The following THOC5 variants were observed in gnomAD, a reference collection of about 807,000 sequenced individuals.
THOC5 encodes THO complex subunit 5.
Under a neutral mutation model 92.9 loss-of-function variants are expected in THOC5, and 43 were observed. The ratio of observed to expected loss-of-function variants is 0.46; its 90% confidence interval spans 0.36 to 0.60. The LOEUF (loss-of-function observed/expected upper bound fraction) is 0.60. THOC5 is among the 20% of genes least tolerant of loss of function. The pLI is 0.00. For synonymous variants in THOC5, 296 were observed against 320.1 expected (o/e 0.92, Z 0.80); for missense variants, 659 against 849.4 (o/e 0.78, Z 2.79).
chr22:29,544,842 G>A (rs909568251), intron 2 of THOC5, among the ~76,000 whole-genome samples: 3 of 152,056 alleles, frequency 2.0e-5, no homozygotes, highest in African/African-American at 7.2e-5. Flanking sequence ...AATATACAGA[G>A]GAGTATCAAA....
chr22:29,538,579 CTTG>C (rs2063808631), intron 6 of THOC5, among the ~76,000 whole-genome samples: 2 of 151,934 alleles, frequency 1.3e-5, no homozygotes, highest in Admixed American at 1.3e-4. Flanking sequence ...GGGAGGATCA[CTTG>C]AAGCCAGGAA....
At chr22:29,547,948 C>A (rs146208331) in intron 2 of THOC5, among the ~76,000 whole-genome samples, 1 of 152,130 alleles carries the variant, frequency 6.6e-6, no homozygotes, top group East Asian at 1.9e-4. Flanking sequence ...GCTGGTGAGG[C>A]CTCAGGAACA....
intron 7 of THOC5, among the ~76,000 whole-genome samples, chr22:29,535,618 T>C (rs1371364780): frequency 6.6e-6 from 1 of 152,228 alleles, no homozygotes; most frequent in Non-Finnish European, 1.5e-5. Flanking sequence ...TTCCATACTT[T>C]CATCACAGCT....
intron 7 of THOC5, among the ~76,000 whole-genome samples, chr22:29,532,259 A>G (rs1321078368): frequency 1.3e-5 from 2 of 152,166 alleles, no homozygotes; most frequent in Non-Finnish European, 2.9e-5. Context: ...CAGGAGTTCA[A>G]GAGCAGCCTG....
intron 8 of THOC5, among the ~76,000 whole-genome samples, chr22:29,529,957 A>G (rs1334897939): frequency 6.6e-6 from 1 of 152,182 alleles, no homozygotes; most frequent in African/African-American, 2.4e-5. Context: ...AGCCTGGCCA[A>G]CATGGCAAAA....
chr22:29,528,873 C>T (rs1008491881), intron 9 of THOC5: 9 of 515,450 alleles, frequency 1.7e-5, no homozygotes, highest in African/African-American at 1.3e-4. Flanking sequence ...CATAACAATC[C>T]TACATGAGGT....
intron 9 of THOC5, 75 bp from the exon 10 acceptor site, chr22:29,528,541 C>CA: frequency 3.4e-6 from 5 of 1,468,522 alleles, no homozygotes; most frequent in Non-Finnish European, 4.7e-6. Flanking sequence ...ACCCACATGG[C>CA]ATAAAGGGGC....
chr22:29,511,166 T>C lies in THOC5; in HGVS notation c.1928A>G (p.Asp643Gly). ...TTCCTTGGGCCCCTCCACACTGTCGTCATGGCTCTCGGTCTCCAGGTAAAC... is the reference window on the plus strand; with the variant it reads ...TTCCTTGGGCCCCTCCACACTGTCGCCATGGCTCTCGGTCTCCAGGTAAAC... ...LDVYLETESH[D>G]DSVEGPKEFP... Residue 643 changes from aspartate to glycine, a missense_variant, in exon 19 of 20, where the codon GAC (aspartate) becomes GGC (glycine). Coordinates refer to ENST00000490103, the MANE Select transcript of THOC5 (RefSeq NM_003678.5). 6.2e-7 allele frequency: 1 copy of C among 1,614,198 alleles called. No individual in the cohort carries two copies. Among genetic ancestry groups the C allele is most frequent in the Non-Finnish European group, 8.5e-7 (1 of 1,180,032 alleles).
At chr22:29,532,008 C>T in intron 7 of THOC5, 45 bp from the exon 8 acceptor site, 1 of 1,597,226 alleles carries the variant, frequency 6.3e-7, no homozygotes, top group South Asian at 1.1e-5. Context: ...TTTAGCCAGT[C>T]CACACAGGAA....
intron 17 of THOC5, among the ~76,000 whole-genome samples, chr22:29,514,198 C>T (rs561006094): frequency 1.3e-5 from 2 of 152,218 alleles, no homozygotes; most frequent in Non-Finnish European, 2.9e-5. Context: ...ATCCACCCGC[C>T]TCCACCTAAA....
chr22:29,527,054 T>C (rs972762537), intron 11 of THOC5, among the ~76,000 whole-genome samples: 4 of 152,182 alleles, frequency 2.6e-5, no homozygotes, highest in African/African-American at 4.8e-5. Context: ...TTAATTAAGA[T>C]GTAACTTTAG....
intron 12 of THOC5, among the ~76,000 whole-genome samples, chr22:29,523,926 T>C (rs1440281387): frequency 6.6e-6 from 1 of 152,236 alleles, no homozygotes; most frequent in Non-Finnish European, 1.5e-5. Context: ...GCTGTCTTCA[T>C]GTGGCCAAAG....
At position 29,524,511 on chromosome 22, in the gene THOC5, G is replaced by A. The variant is rs528193122; in HGVS notation, c.1175+1327C>T. ...TGCAGCCCTGTTATTAGCATGTAGG[G>A]CACCTGAGAAATGAACAAGCAGAAT... On this transcript the variant is annotated intron_variant, in intron 12 of 19. Coordinates refer to ENST00000490103, the MANE Select transcript of THOC5 (RefSeq NM_003678.5). Among the ~76,000 whole-genome samples the A allele has an allele frequency of 3.3e-5, 5 of 152,230 alleles. No individual in the cohort carries two copies. In the South Asian group the frequency reaches 1.0e-3, roughly 32 times the overall value.
At chr22:29,526,308 A>G (rs1311661558) in intron 11 of THOC5, among the ~76,000 whole-genome samples, 5 of 152,180 alleles carry the variant, frequency 3.3e-5, no homozygotes, top group Non-Finnish European at 5.9e-5. Flanking sequence ...CAAGGTGGGC[A>G]GATCATGAAG....
At chr22:29,519,155 C>A (rs2072301) in intron 14 of THOC5, 35 bp from the exon 15 acceptor site, 2 of 1,429,508 alleles carry the variant, frequency 1.4e-6, no homozygotes, top group African/African-American at 2.8e-5. Context: ...CACGTGTGCT[C>A]CCCCATCCCT....
chr22:29,528,903 A>G, intron 9 of THOC5: 1 of 542,384 alleles, frequency 1.8e-6, no homozygotes, highest in Non-Finnish European at 3.3e-6. Context: ...TGTTTTCACA[A>G]AGGAATAAAC....
intron 19 of THOC5, 150 bp downstream of exon 19, chr22:29,510,956 G>A (rs2063210413): frequency 1.3e-6 from 1 of 765,642 alleles, no homozygotes; most frequent in Admixed American, 2.5e-5. Context: ...TTCAGGAGGT[G>A]TTAGTGAAAA....
Position 29,511,254 on chromosome 22 carries a change from C to T in THOC5, c.1840G>A (p.Gly614Ser). 6.2e-7 allele frequency: 1 copy of T among 1,614,088 alleles called. No individual in the cohort carries two copies. The highest frequency in any genetic ancestry group is 8.5e-7 in the Non-Finnish European group (1 of 1,180,032). Residue 614 changes from glycine to serine, a missense_variant, in exon 19 of 20, where the codon GGC becomes AGC. Physicochemically the swap from Gly to Ser is moderately conservative, Grantham distance 56. Coordinates refer to ENST00000490103, the MANE Select transcript of THOC5 (RefSeq NM_003678.5). ...EVNVCYKELC[G>S]PWPSHQLLTN... is the part of the protein sequence containing the mutation. Reference sequence around the variant, plus strand: ...AACAGCTGGTGGCTGGGCCAAGGGCCACACAGCTCCTTGTAGCACACATTG... The same window carrying T: ...AACAGCTGGTGGCTGGGCCAAGGGCTACACAGCTCCTTGTAGCACACATTG...
At chr22:29,510,997 G>T in intron 19 of THOC5, 109 bp downstream of exon 19, 1 of 1,195,826 alleles carries the variant, frequency 8.4e-7, no homozygotes, top group Non-Finnish European at 1.2e-6. Flanking sequence ...GGCATCGGCT[G>T]CAGGGGAAGT....
Sources: gnomAD v4.1 joint callset for allele counts (sites outside exome capture counted in the v4.1 genomes callset) on GRCh38, gnomAD v4.1.1 for gene constraint, MANE v1.5 for transcripts, NCBI Gene and HGNC (gene_info 2026-07-23, HGNC 2026-07-21) for gene names.